The following ZSWIM5 variants were observed in gnomAD, a reference collection of about 807,000 sequenced individuals.
ZSWIM5 encodes zinc finger SWIM-type containing 5, also known as zinc finger SWIM domain-containing protein 5.
Under a neutral mutation model 119.6 loss-of-function variants are expected in ZSWIM5, and 55 were observed. The ratio of observed to expected loss-of-function variants is 0.46; its 90% confidence interval spans 0.37 to 0.58. ZSWIM5 has a LOEUF of 0.58. ZSWIM5 is among the 20% of genes least tolerant of loss of function. ZSWIM5 has a pLI of 0.00. For synonymous variants in ZSWIM5, 537 were observed against 606.9 expected, an observed-to-expected ratio of 0.88 and a Z score of 1.69; for missense variants, 1,193 against 1,512.8, an observed-to-expected ratio of 0.79 and a Z score of 3.51.
chr1:45,074,462 G>A (rs1645244285), intron 2 of ZSWIM5, among the ~76,000 whole-genome samples: 1 of 151,808 alleles, frequency 6.6e-6, no homozygotes, highest in African/African-American at 2.4e-5. Context: ...TAGGTTATAT[G>A]AGTCTTGAAA....
chr1:45,044,594 G>A (rs1288940160), intron 5 of ZSWIM5, among the ~76,000 whole-genome samples: 3 of 132,918 alleles, frequency 2.3e-5, no homozygotes, highest in Non-Finnish European at 4.9e-5. Context: ...CATGGTGGCG[G>A]GCGCCTGTAG....
chr1:45,151,849 C>T (rs1037435168), intron 1 of ZSWIM5, among the ~76,000 whole-genome samples: 11 of 152,112 alleles, frequency 7.2e-5, no homozygotes, highest in Admixed American at 2.0e-4. Flanking sequence ...TTAAGTTTGA[C>T]GTGAGTTTTG....
intron 1 of ZSWIM5, among the ~76,000 whole-genome samples, chr1:45,114,032 A>T (rs1191827386): frequency 1.3e-5 from 2 of 152,238 alleles, no homozygotes; most frequent in Non-Finnish European, 2.9e-5. Context: ...ATTCAAGCAA[A>T]CAATCAAACA....
chr1:45,085,145 T>A (rs1426181979), intron 2 of ZSWIM5, among the ~76,000 whole-genome samples: 1 of 152,256 alleles, frequency 6.6e-6, no homozygotes, highest in Admixed American at 6.5e-5. Flanking sequence ...CGCCAAGGCT[T>A]ATGGCTTGCA....
At chr1:45,180,484 G>C (rs1225534425) in intron 1 of ZSWIM5, among the ~76,000 whole-genome samples, 1 of 152,210 alleles carries the variant, frequency 6.6e-6, no homozygotes, top group South Asian at 2.1e-4. Context: ...TGCCTCTGTA[G>C]GCTCCACCTC....
intron 1 of ZSWIM5, among the ~76,000 whole-genome samples, chr1:45,098,862 C>T (rs191890300): frequency 3.3e-5 from 5 of 152,274 alleles, no homozygotes; most frequent in Admixed American, 3.3e-4. Flanking sequence ...AGAAAAAAGA[C>T]ACACCATACG....
intron 1 of ZSWIM5, among the ~76,000 whole-genome samples, chr1:45,116,596 C>T (rs901370817): frequency 2.0e-5 from 3 of 152,156 alleles, no homozygotes; most frequent in African/African-American, 7.2e-5. Flanking sequence ...AGAAAGCCCT[C>T]CTATGAGGCC....
chr1:45,081,708 A>C (rs1645292491), intron 2 of ZSWIM5, among the ~76,000 whole-genome samples: 1 of 152,034 alleles, frequency 6.6e-6, no homozygotes, highest in African/African-American at 2.4e-5. Flanking sequence ...AAGTGCCGAG[A>C]TTGCAGCCTC....
rs1291385489 is a variant in ZSWIM5, at chr1:45,118,751, A to AAAAAG, written c.596-30519_596-30515dup. The stretch of plus-strand genomic sequence containing the variant: ...AGAACCTGTCTCAAAAAAAAAAAAA[A>AAAAAG]AAAAGAAAAGAAAAGAAAAGAAAAA... On this transcript the variant is annotated intron_variant, in intron 1 of 13. Coordinates refer to ENST00000359600, the MANE Select transcript of ZSWIM5 (RefSeq NM_020883.2). Among the ~76,000 whole-genome samples, 6 of 150,236 alleles carry AAAAAG rather than the reference A, an allele frequency of 4.0e-5. 1 individual carries two copies. The highest frequency in any genetic ancestry group is 1.9e-4 in the East Asian group (1 of 5,180).
chr1:45,162,700 G>A (rs1157420794), intron 1 of ZSWIM5, among the ~76,000 whole-genome samples: 5 of 151,618 alleles, frequency 3.3e-5, no homozygotes, highest in East Asian at 3.9e-4. Flanking sequence ...AGGGTTCCAC[G>A]CCCACGGAGC....
chr1:45,038,578 G>A (rs1034505883), intron 8 of ZSWIM5, among the ~76,000 whole-genome samples: 7 of 143,376 alleles, frequency 4.9e-5, no homozygotes, highest in African/African-American at 1.8e-4. Context: ...GAGTCTGGAA[G>A]GGAGAAAAGG....
At chr1:45,053,565 C>G (rs1645102793) in intron 4 of ZSWIM5, among the ~76,000 whole-genome samples, 1 of 151,796 alleles carries the variant, frequency 6.6e-6, no homozygotes, top group African/African-American at 2.4e-5. Flanking sequence ...AGTTCGAGAC[C>G]AGCCTGGCCA....
intron 6 of ZSWIM5, among the ~76,000 whole-genome samples, chr1:45,041,043 T>C (rs1366937572): frequency 6.6e-6 from 1 of 152,138 alleles, no homozygotes; most frequent in African/African-American, 2.4e-5. Context: ...GATAGAAATA[T>C]ATACAGAGAG....
intron 1 of ZSWIM5, among the ~76,000 whole-genome samples, chr1:45,154,377 G>A (rs1645814884): frequency 6.6e-6 from 1 of 152,170 alleles, no homozygotes; most frequent in South Asian, 2.1e-4. Flanking sequence ...ACAGCATGGT[G>A]CTGGTATAAA....
chr1:45,058,130 G>T (rs1645132955), intron 4 of ZSWIM5, among the ~76,000 whole-genome samples: 1 of 152,122 alleles, frequency 6.6e-6, no homozygotes, highest in Non-Finnish European at 1.5e-5. Context: ...AAGGTGAAAT[G>T]ACCATATAAG....
At chr1:45,039,149 C>T in intron 7 of ZSWIM5, 76 bp from the exon 8 acceptor site, 1 of 1,546,388 alleles carries the variant, frequency 6.5e-7, no homozygotes, top group Non-Finnish European at 8.9e-7. Context: ...GTCTTCTTAT[C>T]AGTCTCTCCA....
At chr1:45,197,615 G>A (rs1352386410) in intron 1 of ZSWIM5, among the ~76,000 whole-genome samples, 6 of 152,088 alleles carry the variant, frequency 3.9e-5, no homozygotes, top group African/African-American at 7.2e-5. Context: ...AAATATTCAA[G>A]TACAAGTCTT....
chr1:45,023,520 T>C (rs1644901758), intron 11 of ZSWIM5, among the ~76,000 whole-genome samples: 1 of 140,776 alleles, frequency 7.1e-6, no homozygotes, highest in Admixed American at 7.6e-5. Context: ...TTTTTTTGAG[T>C]GTGTGTGGCT....
chr1:45,093,382 G>C (rs1645379156), intron 1 of ZSWIM5, among the ~76,000 whole-genome samples: 1 of 152,116 alleles, frequency 6.6e-6, no homozygotes, highest in African/African-American at 2.4e-5. Context: ...CTTCAAAATA[G>C]ATCAAAATTA....
Sources: gnomAD v4.1 joint callset for allele counts (sites outside exome capture counted in the v4.1 genomes callset) on GRCh38, gnomAD v4.1.1 for gene constraint, MANE v1.5 for transcripts, NCBI Gene and HGNC (gene_info 2026-07-23, HGNC 2026-07-21) for gene names.